DLGAP5: variants seen among roughly 807,000 people sequenced by gnomAD.
The protein encoded by DLGAP5 is disks large-associated protein 5.
Under a neutral mutation model 99.6 loss-of-function variants are expected in DLGAP5, and 90 were observed. That is an observed-to-expected ratio of 0.90 (90% CI 0.76 to 1.08). The LOEUF (loss-of-function observed/expected upper bound fraction) is 1.08. DLGAP5 is among the 50% of genes least tolerant of loss of function. The probability of loss-of-function intolerance (pLI) is 0.00; values close to 1 mark genes in which losing one functional copy is unlikely to be tolerated. For missense variants in DLGAP5, 1,036 were observed against 983.5 expected, an observed-to-expected ratio of 1.05 and a Z score of -0.71; for synonymous variants, 311 against 321.3, an observed-to-expected ratio of 0.97 and a Z score of 0.34.
At chr14:55,174,431 T>G (rs893112006) in intron 10 of DLGAP5, among the ~76,000 whole-genome samples, 9 of 152,186 alleles carry the variant, frequency 5.9e-5, no homozygotes, top group Non-Finnish European at 1.0e-4. Flanking sequence ...TCTATTACCT[T>G]GTAAAGTACT....
chr14:55,152,711 G>C (rs145438055), intron 15 of DLGAP5, 64 bp from the exon 16 acceptor site: 1 of 1,382,024 alleles, frequency 7.2e-7, no homozygotes, highest in Non-Finnish European at 9.7e-7. Context: ...CTTGTATTTT[G>C]AGTCTTTCCT....
At chr14:55,167,948 A>C (rs547508726) in intron 12 of DLGAP5, among the ~76,000 whole-genome samples, 2 of 152,310 alleles carry the variant, frequency 1.3e-5, no homozygotes, top group East Asian at 3.8e-4. Context: ...CTCAGTGCTA[A>C]ACACTCAACA....
rs372884646 is a variant in DLGAP5 at position 55,158,671 on chromosome 14, C to T, written c.1724G>A (p.Arg575His). Residue 575 changes from arginine (R) to histidine (H), a missense_variant, in exon 14 of 19, where the codon CGC becomes CAC. Physicochemically the swap from Arg to His is conservative, Grantham distance 29. Coordinates refer to ENST00000247191, the MANE Select transcript of DLGAP5 (RefSeq NM_014750.5). The stretch of plus-strand genomic sequence containing the variant: ...CATTGCATTTTTTATGGCAGCTAGG[C>T]GATTTCTCGCTGCAATTCTTCCAGC... The part of the protein sequence containing the change: ...DDAGRIAARN[R>H]LAAIKNAMRE... 1.1e-5 allele frequency: 18 copies of T among 1,613,876 alleles called. No individual in the cohort carries two copies. The highest frequency in any genetic ancestry group is 1.4e-5 in the Non-Finnish European group (17 of 1,179,978).
intron 11 of DLGAP5, among the ~76,000 whole-genome samples, chr14:55,169,861 G>A (rs1162415611): frequency 1.5e-5 from 2 of 135,130 alleles, no homozygotes; most frequent in African/African-American, 2.5e-5. Flanking sequence ...GCCTGCGGGC[G>A]CGGTGGCTCA....
intron 17 of DLGAP5, 73 bp downstream of exon 17, chr14:55,151,622 A>T: frequency 1.4e-6 from 2 of 1,444,176 alleles, no homozygotes; most frequent in East Asian, 4.6e-5. Context: ...TGGACCTTAT[A>T]GGATAATTTA....
At chr14:55,152,559 G>A in intron 16 of DLGAP5, 31 bp downstream of exon 16, 1 of 1,539,526 alleles carries the variant, frequency 6.5e-7, no homozygotes, top group South Asian at 1.2e-5. Flanking sequence ...TGACATACTG[G>A]GCTATCTAAC....
In DLGAP5 at chr14:55,183,853, T is replaced by C. The variant is rs978085923; in HGVS notation, c.239-100A>G. On this transcript the variant is annotated intron_variant, in intron 2 of 18. Transcript: ENST00000247191. ...ATTATTTTTGTGTCATTTCAACTGC[T>C]GCTAAAAAATGCTTTCAGGCCAGGC... The C allele has an allele frequency of 5.6e-6, 7 of 1,239,160 alleles. No individual in the cohort carries two copies. The African/African-American group carries it at 6.3e-5, about 11-fold the overall frequency. The allele number at this position is 1,239,160 out of a possible 1,614,324, so 76.8% of individuals were successfully genotyped here.
chr14:55,191,218 AAC>A (rs1269758356), intron 1 of DLGAP5: 1 of 152,232 alleles, frequency 6.6e-6, no homozygotes, highest in African/African-American at 2.4e-5. Flanking sequence ...GCTAGTGAAG[AAC>A]AGTTTCACCC....
chr14:55,162,928 T>C, intron 13 of DLGAP5, 43 bp downstream of exon 13: 1 of 1,127,700 alleles, frequency 8.9e-7, no homozygotes, highest in South Asian at 1.6e-5. Flanking sequence ...AACAGTTCCT[T>C]AACTAAAAAA....
chr14:55,158,259 T>C (rs2296489), intron 14 of DLGAP5, among the ~76,000 whole-genome samples: 38,223 of 152,158 alleles, frequency 0.25, 5,740 homozygotes, highest in Non-Finnish European at 0.33. Flanking sequence ...GGTAATTACA[T>C]TACAGATGTG....
At chr14:55,153,415 C>A (rs1882086544) in intron 15 of DLGAP5, among the ~76,000 whole-genome samples, 1 of 151,760 alleles carries the variant, frequency 6.6e-6, no homozygotes, top group African/African-American at 2.4e-5. Flanking sequence ...GTGACATGCG[C>A]CTGTAGTCCC....
At chr14:55,185,718 A>G (rs1253134717) in intron 2 of DLGAP5, among the ~76,000 whole-genome samples, 2 of 151,112 alleles carry the variant, frequency 1.3e-5, no homozygotes, top group East Asian at 2.0e-4. Context: ...TCCTGACCTC[A>G]GGTGATCCAC....
chr14:55,151,916 A>G lies in DLGAP5; in HGVS notation c.2147T>C (p.Val716Ala). 1 of 1,613,818 alleles carries G rather than the reference A, an allele frequency of 6.2e-7. No homozygotes were observed. The highest frequency in any genetic ancestry group is 8.5e-7 in the Non-Finnish European group (1 of 1,179,882). Residue 716 changes from valine (V) to alanine (A), a missense_variant, in exon 17 of 19, where the codon GTG (valine) becomes GCG (alanine). Transcript: ENST00000247191. ...CATTCTCTCACTGGATAAACAATCC[A>G]CCTTCAAGTCTGTCTTATTTACAAC... ...NHVVNKTDLK[V>A]DCLSSERMSL...
intron 12 of DLGAP5, among the ~76,000 whole-genome samples, chr14:55,165,445 C>A (rs1255961289): frequency 2.0e-5 from 3 of 152,038 alleles, no homozygotes; most frequent in African/African-American, 7.3e-5. Context: ...GTTGTTTGAG[C>A]CCAGGAAGTG....
chr14:55,160,517 G>A (rs758632972), intron 13 of DLGAP5, among the ~76,000 whole-genome samples: 1 of 151,926 alleles, frequency 6.6e-6, no homozygotes, highest in African/African-American at 2.4e-5. Context: ...GCATGATCTC[G>A]GTTCAATGTA....
intron 11 of DLGAP5, among the ~76,000 whole-genome samples, chr14:55,169,878 C>T (rs1012359606): frequency 3.7e-5 from 5 of 135,132 alleles, no homozygotes; most frequent in Non-Finnish European, 7.0e-5. Context: ...CTCATGCCTA[C>T]AATCCCAGCA....
rs749185691 is a variant in DLGAP5 at position 55,163,007 on chromosome 14, A to G, written c.1617T>C (p.Asn539=). ...KLEESGWQVN[N]NMNHNMNKNV... The stretch of plus-strand genomic sequence containing the variant: ...TTTTGTTCATATTATGATTCATATT[A>G]TTATTGACTTGCCACCCAGATTCCT... The change falls in exon 13 of 19, where the codon AAT becomes AAC. Residue 539 remains asparagine, a synonymous_variant. Coordinates refer to ENST00000247191, the MANE Select transcript of DLGAP5 (RefSeq NM_014750.5). 6.2e-6 allele frequency: 10 copies of G among 1,602,142 alleles called. No individual in the cohort carries two copies. The highest frequency in any genetic ancestry group is 8.5e-6 in the Non-Finnish European group (10 of 1,174,710).
intron 13 of DLGAP5, among the ~76,000 whole-genome samples, chr14:55,160,975 A>C (rs1035750979): frequency 1.1e-5 from 1 of 93,330 alleles, no homozygotes; most frequent in Non-Finnish European, 1.9e-5. Context: ...CAGACACCAC[A>C]GGTTTGTTTT....
At chr14:55,162,478 G>C (rs183612184) in intron 13 of DLGAP5, among the ~76,000 whole-genome samples, 1 of 152,228 alleles carries the variant, frequency 6.6e-6, no homozygotes, top group African/African-American at 2.4e-5. Flanking sequence ...AATTAGCCGG[G>C]TGTGGTGGCT....
Sources: allele counts gnomAD v4.1 joint callset (sites outside exome capture counted in the v4.1 genomes callset), GRCh38; gene constraint gnomAD v4.1.1; transcripts MANE v1.5; gene names NCBI Gene and HGNC (gene_info 2026-07-23, HGNC 2026-07-21).